Variants in CPEB2 observed in about 807,000 individuals in gnomAD.
CPEB2 encodes cytoplasmic polyadenylation element binding protein 2, also known as cytoplasmic polyadenylation element-binding protein 2.
Under a neutral mutation model 93.6 loss-of-function variants are expected in CPEB2, and 56 were observed. The ratio of observed to expected loss-of-function variants is 0.60; its 90% CI spans 0.48 to 0.75. The LOEUF is 0.75. Ranked by LOEUF, CPEB2 falls within the 30% of genes least tolerant of loss-of-function variation. The pLI is 0.00. For synonymous variants in CPEB2, 764 were observed against 586.3 expected, an observed-to-expected ratio of 1.30 and a Z score of -4.38; for missense variants, 1,579 against 1,395.1, an observed-to-expected ratio of 1.13 and a Z score of -2.10.
At chr4:15,052,178 C>G (rs529588501) in intron 6 of CPEB2, among the ~76,000 whole-genome samples, 1 of 152,128 alleles carries the variant, frequency 6.6e-6, no homozygotes, top group African/African-American at 2.4e-5. Context: ...TCTAGTATCT[C>G]TTTTGCAGTT....
intron 6 of CPEB2, among the ~76,000 whole-genome samples, chr4:15,040,996 C>T (rs1727124070): frequency 6.6e-6 from 1 of 152,012 alleles, no homozygotes. Context: ...AAGAATATAA[C>T]CCCTTCTTTC....
chr4:15,005,079 G>A (rs1224863330), intron 1 of CPEB2: 1 of 152,240 alleles, frequency 6.6e-6, no homozygotes, highest in African/African-American at 2.4e-5. Context: ...CGGCCCAGGA[G>A]GGAGTCGGGA....
intron 2 of CPEB2, 54 bp from the exon 3 acceptor site, chr4:15,008,284 G>A (rs1048677663): frequency 8.6e-7 from 1 of 1,168,650 alleles, no homozygotes; most frequent in African/African-American, 1.5e-5. Flanking sequence ...TTCGTTGGGT[G>A]GGTATGGGGA....
rs79368589 is a variant in CPEB2 at position 15,007,277 on chromosome 4, G to A, written c.1663-28G>A. On this transcript the variant is annotated intron_variant, in intron 1 of 11. Coordinates refer to ENST00000538197, the MANE Select transcript of CPEB2 (RefSeq NM_001177382.2). ...TTGAATTGTAAATTCTTTAAATGCC[G>A]CAATTTAAATAGCTATGTTTTCCCT... 13,207 of 1,386,022 alleles carry A rather than the reference G, an allele frequency of 9.5e-3. 1,033 individuals carry two copies. The African/African-American group carries it at 0.17, about 18-fold the overall frequency. 85.9% of individuals were successfully genotyped at this position (1,386,022 alleles called of 1,614,324 possible).
At chr4:15,018,304 A>G (rs115772822) in intron 4 of CPEB2, among the ~76,000 whole-genome samples, 1,892 of 151,650 alleles carry the variant, frequency 0.012, 47 homozygotes, top group African/African-American at 0.043. Flanking sequence ...ATATCTAACT[A>G]TTTTTTTCTG....
intron 6 of CPEB2, among the ~76,000 whole-genome samples, chr4:15,051,178 G>C (rs938148633): frequency 6.6e-6 from 1 of 151,964 alleles, no homozygotes; most frequent in African/African-American, 2.4e-5. Context: ...CTTCTGATCT[G>C]CTCATTTTCA....
At chr4:15,012,527 G>A (rs368279874) in intron 3 of CPEB2, among the ~76,000 whole-genome samples, 20 of 151,988 alleles carry the variant, frequency 1.3e-4, no homozygotes, top group African/African-American at 4.8e-4. Flanking sequence ...GATGAATAAG[G>A]GTTATCTATG....
At chr4:15,055,841 A>G (rs541427395) in intron 8 of CPEB2, among the ~76,000 whole-genome samples, 1 of 152,070 alleles carries the variant, frequency 6.6e-6, no homozygotes, top group African/African-American at 2.4e-5. Context: ...TACTCTCTAG[A>G]CTGATTGTAT....
In CPEB2 at chr4:15,066,062, C is replaced by A; in HGVS notation, c.2878-91C>A. ...CATTTCCTCAGCTTTTAATGCTGGT[C>A]CTTTTTTTCTGCTGTAGAACATTTT... On this transcript the variant is annotated intron_variant, in intron 11 of 11. Transcript: ENST00000538197. 2.7e-6 allele frequency: 3 copies of A among 1,093,578 alleles called. No homozygotes were observed. In the South Asian group the frequency reaches 4.5e-5, roughly 16 times the overall value. 67.7% of individuals were successfully genotyped at this position (1,093,578 alleles called of 1,614,324 possible).
chr4:15,063,679 C>T (rs1389495933), intron 11 of CPEB2: 1 of 151,982 alleles, frequency 6.6e-6, no homozygotes, highest in Non-Finnish European at 1.5e-5. Context: ...TATACACTAC[C>T]AGAAGAAAAA....
chr4:15,033,029 T>C (rs1382494370), intron 4 of CPEB2, 132 bp from the exon 5 acceptor site: 2 of 588,338 alleles, frequency 3.4e-6, no homozygotes, highest in South Asian at 2.3e-5. Flanking sequence ...ATAAGCTTTT[T>C]AGTTCTTAAG....
In CPEB2 at chr4:15,058,550, A is replaced by G. The variant is rs1240831996; in HGVS notation, c.2580+11A>G. On this transcript the variant is annotated intron_variant, in intron 9 of 11. Transcript: ENST00000538197. ...ATCAAGGACAAACCAGTAAGTAAAT[A>G]CCACATGAACTTCAGGCTACAAATG... is the stretch of plus-strand genomic sequence containing the variant. 7.1e-7 allele frequency: 1 copy of G among 1,415,090 alleles called. No homozygotes were observed. 87.7% of individuals were successfully genotyped at this position (1,415,090 alleles called of 1,614,324 possible).
intron 8 of CPEB2, among the ~76,000 whole-genome samples, chr4:15,057,288 TGGCTCCA>T (rs1279046571): frequency 6.6e-6 from 1 of 152,162 alleles, no homozygotes; most frequent in Non-Finnish European, 1.5e-5. Flanking sequence ...TAAGGTGAAA[TGGCTCCA>T]GGTATTTTTT....
intron 7 of CPEB2, among the ~76,000 whole-genome samples, chr4:15,053,388 G>C (rs940997327): frequency 1.3e-5 from 2 of 152,130 alleles, no homozygotes; most frequent in African/African-American, 4.8e-5. Context: ...ACCCGAAAGG[G>C]AAATGGAAAC....
At chr4:15,026,526 C>T (rs1176373030) in intron 4 of CPEB2, among the ~76,000 whole-genome samples, 4 of 152,156 alleles carry the variant, frequency 2.6e-5, no homozygotes, top group Non-Finnish European at 5.9e-5. Flanking sequence ...CATGCCCGAA[C>T]TATTTTTTTA....
At chr4:15,033,087 GT>G (rs1726284241) in intron 4 of CPEB2, 73 bp from the exon 5 acceptor site, 1 of 1,028,178 alleles carries the variant, frequency 9.7e-7, no homozygotes, top group South Asian at 1.4e-5. Flanking sequence ...CTTTGTTGTT[GT>G]TTTTTGTTTT....
intron 7 of CPEB2, 113 bp from the exon 8 acceptor site, chr4:15,054,015 A>T: frequency 1.6e-6 from 1 of 623,662 alleles, no homozygotes; most frequent in Non-Finnish European, 2.8e-6. Flanking sequence ...ATTCTAATTT[A>T]TCTTAAGGTA....
Position 15,008,419 on chromosome 4 carries a change from A to G in CPEB2, c.2026A>G (p.Ile676Val), listed in dbSNP as rs892544070. The change falls in exon 3 of 12, where the codon ATA becomes GTA. Residue 676 changes from isoleucine to valine, a missense_variant. Around this residue, in one of 2 missense-constraint regions of CPEB2, gnomAD observed 1,411 missense variants for 1,056.0 expected, o/e 1.34. Transcript: ENST00000538197. The part of the protein sequence containing the change: ...SWCTAAGTSR[I>V]DQDRSRMYDS... ...GTGCACTGCAGCCGGAACATCCAGA[A>G]TAGACCAGGTAGGCTGCACAGTGTA... is the stretch of plus-strand genomic sequence containing the variant. The G allele has an allele frequency of 6.2e-7, 1 of 1,612,272 alleles. No individual in the cohort carries two copies. The highest frequency in any genetic ancestry group is 1.7e-5 in the Admixed American group (1 of 60,020).
rs1729733040 is a variant in CPEB2, at chr4:15,066,776, A to G, written c.*396A>G. The G allele has an allele frequency of 1.2e-5, 2 of 168,446 alleles. No individual in the cohort carries two copies. Among genetic ancestry groups the G allele is most frequent in the Non-Finnish European group, 2.6e-5 (2 of 78,172 alleles). The allele number at this position is 168,446 out of a possible 1,614,324, so 10.4% of individuals were successfully genotyped here. A position where few individuals can be genotyped will look rare whatever the true frequency, so the allele number is the denominator to read the frequency against. ...CAAGATCTGCCCCAGTAATTTACCA[A>G]AGGTAGCAAAATAATAGTGAAGATG... On this transcript the variant is annotated 3_prime_UTR_variant, in exon 12 of 12. Transcript: ENST00000538197.
Sources: gnomAD v4.1 joint callset for allele counts (sites outside exome capture counted in the v4.1 genomes callset) on GRCh38, gnomAD v4.1.1 for gene constraint, gnomAD v4.1.1 regional missense constraint, MANE v1.5 for transcripts, NCBI Gene and HGNC (gene_info 2026-07-23, HGNC 2026-07-21) for gene names.